SPTBN1: variants seen among roughly 807,000 people sequenced by gnomAD.
SPTBN1 encodes spectrin beta, non-erythrocytic 1.
A neutral mutation model predicts 266.4 loss-of-function variants in SPTBN1; 32 were observed. That is an observed-to-expected ratio of 0.12 (90% CI 0.09 to 0.16). The LOEUF (loss-of-function observed/expected upper bound fraction) is 0.16. Among genes scored for constraint, SPTBN1 ranks in the 10% least tolerant of loss-of-function variants. The pLI, the probability that SPTBN1 is intolerant of heterozygous loss-of-function variation, is 1.00. For missense variants in SPTBN1, 2,296 were observed against 3,067.1 expected, an observed-to-expected ratio of 0.75 and a Z score of 5.94; for synonymous variants, 1,336 against 1,162.2, an observed-to-expected ratio of 1.15 and a Z score of -3.04.
chr2:54,629,060 G>A lies in SPTBN1; in HGVS notation c.1926G>A (p.Lys642=). 1.2e-6 allele frequency: 2 copies of A among 1,613,872 alleles called. No individual in the cohort carries two copies. Among genetic ancestry groups the A allele is most frequent in the Non-Finnish European group, 1.7e-6 (2 of 1,180,002 alleles). ...TGGAAGAGTCCCGCCGCCTCTGGAA[G>A]TTCTTCTGGGAGATGGCAGAAGAGG... ...ARLEESRRLW[K]FFWEMAEEEG... Residue 642 remains lysine, a synonymous_variant, in exon 14 of 36, where the codon AAG becomes AAA. Coordinates refer to ENST00000356805, the MANE Select transcript of SPTBN1 (RefSeq NM_003128.3).
rs960546651 is a variant in SPTBN1, at chr2:54,625,810, C to T, written c.1342-122C>T. 2.9e-5 allele frequency: 31 copies of T among 1,084,164 alleles called. No homozygotes were observed. The African/African-American group carries it at 3.7e-4, about 13-fold the overall frequency. The allele number at this position is 1,084,164 out of a possible 1,614,324, so 67.2% of individuals were successfully genotyped here. On this transcript the variant is annotated intron_variant, in intron 11 of 35. Coordinates refer to ENST00000356805, the MANE Select transcript of SPTBN1 (RefSeq NM_003128.3). ...TTCACAATGTTGGCCAGGCTAGTCT[C>T]GAACTCCTGACCTCAAGTGATCTGC...
chr2:54,487,598 A>G (rs1240209683), intron 1 of SPTBN1, among the ~76,000 whole-genome samples: 1 of 152,118 alleles, frequency 6.6e-6, no homozygotes, highest in African/African-American at 2.4e-5. Flanking sequence ...ATATTATCTA[A>G]TGTCACATTT....
chr2:54,471,405 T>C (rs1433434577), intron 1 of SPTBN1, among the ~76,000 whole-genome samples: 1 of 152,102 alleles, frequency 6.6e-6, no homozygotes, highest in Non-Finnish European at 1.5e-5. Flanking sequence ...AGTTTTCTGA[T>C]ACATATTTTT....
chr2:54,532,891 A>C (rs372234593), intron 2 of SPTBN1, among the ~76,000 whole-genome samples: 1 of 152,228 alleles, frequency 6.6e-6, no homozygotes, highest in African/African-American at 2.4e-5. Flanking sequence ...AACTAGCACA[A>C]ATTTCTTTCC....
Position 54,590,256 on chromosome 2 carries a change from CAT to C in SPTBN1, c.149-8831_149-8830del, listed in dbSNP as rs1675579667. ...GAATTGCAAGAAGCAGTTCACCTGT[CAT>C]ATATTTTTAGTGCTATACAATGACA... On this transcript the variant is annotated intron_variant, in intron 2 of 35. Coordinates refer to ENST00000356805, the MANE Select transcript of SPTBN1 (RefSeq NM_003128.3). 2.6e-5 allele frequency among the ~76,000 whole-genome samples: 4 copies of C among 152,296 alleles called. No individual in the cohort carries two copies. The South Asian group carries it at 8.3e-4, about 32-fold the overall frequency.
At chr2:54,581,766 A>G (rs973854788) in intron 2 of SPTBN1, among the ~76,000 whole-genome samples, 1 of 152,128 alleles carries the variant, frequency 6.6e-6, no homozygotes, top group Non-Finnish European at 1.5e-5. Flanking sequence ...GGTCTCATTA[A>G]ACTTCATTAA....
At chr2:54,469,527 C>A (rs1693810972) in intron 1 of SPTBN1, among the ~76,000 whole-genome samples, 1 of 152,166 alleles carries the variant, frequency 6.6e-6, no homozygotes, top group African/African-American at 2.4e-5. Context: ...GGCCAAAGCC[C>A]ATCAAGGGAA....
At chr2:54,486,879 C>T (rs184542676) in intron 1 of SPTBN1, among the ~76,000 whole-genome samples, 106 of 152,222 alleles carry the variant, frequency 7.0e-4, no homozygotes, top group Middle Eastern at 3.4e-3. Context: ...TTGCCGGGGT[C>T]TTCTGATGCT....
intron 18 of SPTBN1, among the ~76,000 whole-genome samples, chr2:54,642,213 G>A (rs1679619210): frequency 6.6e-6 from 1 of 152,236 alleles, no homozygotes; most frequent in African/African-American, 2.4e-5. Context: ...TCTGGGCCTG[G>A]CGTTTGGCTG....
At chr2:54,596,675 G>GT (rs888260098) in intron 2 of SPTBN1, among the ~76,000 whole-genome samples, 5 of 152,140 alleles carry the variant, frequency 3.3e-5, no homozygotes, top group African/African-American at 4.8e-5. Flanking sequence ...ACAAGAGCTT[G>GT]TTTTTTTATT....
rs989455557 is a variant in SPTBN1, at chr2:54,665,960, T to C, written c.6705T>C (p.Gly2235=). ...GTGTCATAAATAACCAAGAAATGGG[T>C]TTCTACAAAGATGCAAAGACTGCTG... The part of the protein sequence containing the change: ...VYCVINNQEM[G]FYKDAKTAAS... The change falls in exon 34 of 36, where the codon GGT becomes GGC. Residue 2235 remains glycine (G), a synonymous_variant. Coordinates refer to ENST00000356805, the MANE Select transcript of SPTBN1 (RefSeq NM_003128.3). 6.2e-7 allele frequency: 1 copy of C among 1,613,912 alleles called. No individual in the cohort carries two copies. The highest frequency in any genetic ancestry group is 1.1e-5 in the South Asian group (1 of 91,038).
intron 2 of SPTBN1, among the ~76,000 whole-genome samples, chr2:54,549,636 T>A (rs552522408): frequency 6.6e-6 from 1 of 152,308 alleles, no homozygotes; most frequent in Admixed American, 6.5e-5. Context: ...TAAGCAATGC[T>A]CTCATAGAGT....
At chr2:54,600,010 G>T (rs1441259991) in intron 3 of SPTBN1, among the ~76,000 whole-genome samples, 2 of 152,148 alleles carry the variant, frequency 1.3e-5, no homozygotes, top group Non-Finnish European at 2.9e-5. Context: ...AAGTGGTGCC[G>T]AGCCAGAAGC....
rs1185052713 is a variant in SPTBN1 at position 54,647,869 on chromosome 2, A to G, written c.4997+608A>G. Among the ~76,000 whole-genome samples, 5 of 152,192 alleles carry G rather than the reference A, an allele frequency of 3.3e-5. 1 individual carries two copies. The highest frequency in any genetic ancestry group is 3.3e-4 in the Admixed American group (5 of 15,278). ...AAAAAATAAAAATGATCAGAAGTAC[A>G]GGTTGACTTGCATGGTGGATACAGA... On this transcript the variant is annotated intron_variant, in intron 24 of 35. Transcript: ENST00000356805.
Position 54,653,286 on chromosome 2 carries a change from C to G in SPTBN1, c.5578-323C>G, listed in dbSNP as rs551428955. On this transcript the variant is annotated intron_variant, in intron 26 of 35. Transcript: ENST00000356805. The surrounding 1 kb of genome is among the most constrained non-coding windows in gnomAD (Gnocchi z 5.1). Reference sequence around the variant, plus strand: ...GCAGATTAGGTATTTATTTTTTGGACTGTATCTGAATATGTCCCACTCAGA... The same window carrying G: ...GCAGATTAGGTATTTATTTTTTGGAGTGTATCTGAATATGTCCCACTCAGA... 1.4e-4 allele frequency: 32 copies of G among 226,078 alleles called. No homozygotes were observed. Among genetic ancestry groups the G allele is most frequent in the African/African-American group, 7.3e-4 (32 of 43,974 alleles). 14.0% of individuals were successfully genotyped at this position (226,078 alleles called of 1,614,324 possible).
chr2:54,562,516 A>G (rs924417811), intron 2 of SPTBN1, among the ~76,000 whole-genome samples: 2 of 67,730 alleles, frequency 3.0e-5, no homozygotes, highest in Non-Finnish European at 5.8e-5. Context: ...AGAAATGCTT[A>G]CTTTTCTTTT....
intron 2 of SPTBN1, among the ~76,000 whole-genome samples, chr2:54,590,373 G>C (rs531733287): frequency 6.6e-6 from 1 of 152,158 alleles, no homozygotes; most frequent in Non-Finnish European, 1.5e-5. Flanking sequence ...AAGATTTATC[G>C]AGAACCTAGT....
chr2:54,541,185 G>A (rs935080773), intron 2 of SPTBN1, among the ~76,000 whole-genome samples: 1 of 152,156 alleles, frequency 6.6e-6, no homozygotes, highest in African/African-American at 2.4e-5. Flanking sequence ...GGAGAAGTAA[G>A]CCTACAGACC....
chr2:54,580,103 C>G (rs1260346841), intron 2 of SPTBN1, among the ~76,000 whole-genome samples: 1 of 152,222 alleles, frequency 6.6e-6, no homozygotes, highest in Non-Finnish European at 1.5e-5. Context: ...TCTGGCCCCA[C>G]TGGAGAAGGA....
Sources: allele counts gnomAD v4.1 joint callset (sites outside exome capture counted in the v4.1 genomes callset), GRCh38; gene constraint gnomAD v4.1.1; non-coding constraint Gnocchi (gnomAD v3.1); transcripts MANE v1.5; gene names NCBI Gene and HGNC (gene_info 2026-07-23, HGNC 2026-07-21).